The following SYNE1 variants were observed in gnomAD, a reference collection of about 807,000 sequenced individuals.
SYNE1 encodes spectrin repeat containing nuclear envelope protein 1.
A neutral mutation model predicts 1,111.0 loss-of-function variants in SYNE1; 616 were observed. That is an observed-to-expected ratio of 0.55 (90% CI 0.52 to 0.59). The LOEUF is 0.59. Ranked by LOEUF, SYNE1 falls within the 20% of genes least tolerant of loss-of-function variation. The pLI is 0.00. For missense variants in SYNE1, 10,006 were observed against 10,417.0 expected, an observed-to-expected ratio of 0.96 and a Z score of 1.72; for synonymous variants, 3,855 against 3,825.8, an observed-to-expected ratio of 1.01 and a Z score of -0.28.
At chr6:152,537,969 A>C (rs1307087856) in intron 4 of SYNE1, among the ~76,000 whole-genome samples, 1 of 152,192 alleles carries the variant, frequency 6.6e-6, no homozygotes, top group African/African-American at 2.4e-5. Flanking sequence ...ATCTGAAAAC[A>C]TTCCAAAGCA....
intron 104 of SYNE1, among the ~76,000 whole-genome samples, chr6:152,251,007 T>C (rs990693069): frequency 6.6e-6 from 1 of 152,202 alleles, no homozygotes; most frequent in Non-Finnish European, 1.5e-5. Flanking sequence ...TGGAGTGCGG[T>C]GGCGCGATCT....
intron 115 of SYNE1, among the ~76,000 whole-genome samples, chr6:152,230,138 T>C (rs868229105): frequency 6.6e-6 from 1 of 151,986 alleles, no homozygotes; most frequent in Non-Finnish European, 1.5e-5. Flanking sequence ...ATTCAAGCAA[T>C]CCTCCCACCT....
chr6:152,320,223 A>C (rs2095840351), intron 84 of SYNE1: 1 of 152,232 alleles, frequency 6.6e-6, no homozygotes, highest in South Asian at 2.1e-4. Flanking sequence ...ATGTCTAAGA[A>C]GAAAAGCCAA....
chr6:152,549,998 T>C (rs2099331883), intron 3 of SYNE1, among the ~76,000 whole-genome samples: 1 of 152,202 alleles, frequency 6.6e-6, no homozygotes. Flanking sequence ...TCAGCAATAT[T>C]GACATTTAGG....
intron 145 of SYNE1, chr6:152,125,486 C>A: frequency 1.7e-6 from 2 of 1,184,610 alleles, no homozygotes; most frequent in Non-Finnish European, 1.1e-6. Context: ...TTCTCATTTG[C>A]AATGATTCAA....
intron 126 of SYNE1, among the ~76,000 whole-genome samples, chr6:152,205,132 T>G (rs1201817703): frequency 6.6e-6 from 1 of 151,604 alleles, no homozygotes; most frequent in Non-Finnish European, 1.5e-5. Flanking sequence ...TGGGTATGTA[T>G]GCACACTTTA....
chr6:152,540,254 T>C (rs563144542), intron 3 of SYNE1, among the ~76,000 whole-genome samples: 1 of 152,332 alleles, frequency 6.6e-6, no homozygotes, highest in South Asian at 2.1e-4. Context: ...GTTAGCCCTA[T>C]GTTTACCTTC....
chr6:152,180,194 C>T lies in SYNE1; in HGVS notation c.23402G>A (p.Ser7801Asn). 2.5e-6 allele frequency: 4 copies of T among 1,614,120 alleles called. No individual in the cohort carries two copies. Among genetic ancestry groups the T allele is most frequent in the Non-Finnish European group, 2.5e-6 (3 of 1,180,010 alleles). Residue 7801 changes from serine to asparagine, a missense_variant, in exon 129 of 146, where the codon AGC becomes AAC. By Grantham distance (46) the Ser-to-Asn change is conservative. Around this residue, in one of 7 missense-constraint regions of SYNE1, gnomAD observed 2,182 missense variants for 2,287.8 expected, o/e 0.95. Transcript: ENST00000367255. ...ELCEWLTQME[S>N]KVSQNGDILI... ...AATGTCTCCATTCTGAGAAACTTTG[C>T]TTTCCATTTGAGTCAACCACTCACA...
intron 91 of SYNE1, 149 bp downstream of exon 91, chr6:152,308,340 A>G: frequency 1.8e-6 from 2 of 1,099,996 alleles, no homozygotes; most frequent in East Asian, 2.4e-5. Context: ...GGCACTCACA[A>G]TGCTTAGATA....
At position 152,381,327 on chromosome 6, in the gene SYNE1, A is replaced by G; in HGVS notation, c.8688T>C (p.Arg2896=). 1.2e-5 allele frequency: 19 copies of G among 1,613,936 alleles called. No individual in the cohort carries two copies. The highest frequency in any genetic ancestry group is 1.4e-5 in the Non-Finnish European group (17 of 1,180,036). The change falls in exon 56 of 146, where the codon CGT becomes CGC. Residue 2896 remains arginine, a synonymous_variant. Coordinates refer to ENST00000367255, the MANE Select transcript of SYNE1 (RefSeq NM_182961.4). ...GAGCCAGCGACTCCACTCTGCTGAG[A>G]CGGCTTGCACCAATCTCTCTGGAAT... The part of the protein sequence containing the change: ...LIDSREIGAS[R]LSRVESLAPE...
At chr6:152,151,780 T>G (rs1174508578) in intron 134 of SYNE1, 90 bp from the exon 135 acceptor site, 1 of 1,546,200 alleles carries the variant, frequency 6.5e-7, no homozygotes, top group African/African-American at 1.4e-5. Flanking sequence ...CAGTGTTCTG[T>G]AAAGTCATTT....
intron 114 of SYNE1, 107 bp from the exon 115 acceptor site, chr6:152,230,809 A>C: frequency 7.8e-7 from 1 of 1,289,710 alleles, no homozygotes; most frequent in African/African-American, 1.5e-5. Context: ...AGAATTCTTA[A>C]AATACAGTTC....
At chr6:152,190,692 A>G (rs2072007926) in intron 127 of SYNE1, among the ~76,000 whole-genome samples, 1 of 152,136 alleles carries the variant, frequency 6.6e-6, no homozygotes. Flanking sequence ...ACCATTAACC[A>G]TCCTCATCAC....
Position 152,326,488 on chromosome 6 carries a change from C to A in SYNE1, c.15101G>T (p.Ser5034Ile). 6.2e-7 allele frequency: 1 copy of A among 1,614,176 alleles called. No homozygotes were observed. The change falls in exon 79 of 146, where the codon AGC becomes ATC. Residue 5034 changes from serine (S) to isoleucine (I), a missense_variant. Around this residue, in one of 7 missense-constraint regions of SYNE1, gnomAD observed 4,955 missense variants for 5,017.2 expected, o/e 0.99. Coordinates refer to ENST00000367255, the MANE Select transcript of SYNE1 (RefSeq NM_182961.4). ...DVESAEENLK[S>I]HMEFFSTEDQ... ...CTCTGTACTGAAAAATTCCATGTGG[C>A]TTTTGAGATTTTCCTCTGCGCTCTC...
chr6:152,239,593 C>CT lies in SYNE1; in HGVS notation c.20006dup (p.Ala6670GlyfsTer27), dbSNP rs1385280819. On this transcript the variant is annotated frameshift_variant, in exon 108 of 146. Transcript: ENST00000367255. LOFTEE classifies it high-confidence loss of function. ...GAGCCCGTTTCAGTACAGCAGAAGC[C>CT]TGAGCCATCAGCTCTGTATGGAACT... 3 of 1,614,192 alleles carry CT rather than the reference C, an allele frequency of 1.9e-6. No homozygotes were observed. Among genetic ancestry groups the CT allele is most frequent in the Non-Finnish European group, 2.5e-6 (3 of 1,180,034 alleles).
At chr6:152,129,282 C>A (rs1406400116) in intron 145 of SYNE1, 1 of 152,212 alleles carries the variant, frequency 6.6e-6, no homozygotes, top group African/African-American at 2.4e-5. Context: ...TAAGCGCTTT[C>A]CCCCTTCTCG....
intron 8 of SYNE1, 75 bp downstream of exon 8, chr6:152,510,118 C>T: frequency 7.1e-7 from 1 of 1,412,674 alleles, no homozygotes; most frequent in Non-Finnish European, 1.0e-6. Flanking sequence ...ATTTCGCAAT[C>T]ATTAGAAGTT....
In SYNE1 at chr6:152,391,512, C is replaced by A. The variant is rs1169589593; in HGVS notation, c.7769G>T (p.Gly2590Val). ...RGQLLSEEGH[G>V]AGQEGRLCSQ... ...ACACAGGCGGCCCTCCTGCCCAGCACCGTGGCCTTCTTCACTCAGAAGCTG... is the reference window on the plus strand; with the variant it reads ...ACACAGGCGGCCCTCCTGCCCAGCAACGTGGCCTTCTTCACTCAGAAGCTG... Residue 2590 changes from glycine (G) to valine (V), a missense_variant, in exon 52 of 146, where the codon GGT becomes GTT. Physicochemically the swap from Gly to Val is moderately radical, Grantham distance 109. This residue lies in a region of SYNE1 where 4,955 missense variants were observed against 5,017.2 expected (regional missense o/e 0.99). Coordinates refer to ENST00000367255, the MANE Select transcript of SYNE1 (RefSeq NM_182961.4). 6.2e-7 allele frequency: 1 copy of A among 1,612,688 alleles called. No homozygotes were observed. Among genetic ancestry groups the A allele is most frequent in the South Asian group, 1.1e-5 (1 of 91,024 alleles).
intron 128 of SYNE1, among the ~76,000 whole-genome samples, chr6:152,183,078 C>T (rs2068589957): frequency 6.6e-6 from 1 of 152,130 alleles, no homozygotes; most frequent in South Asian, 2.1e-4. Context: ...TTACACCATA[C>T]CCCAAATAGC....
Sources: allele counts gnomAD v4.1 joint callset (sites outside exome capture counted in the v4.1 genomes callset), GRCh38; gene constraint gnomAD v4.1.1; regional missense constraint gnomAD v4.1.1; transcripts MANE v1.5; gene names NCBI Gene and HGNC (gene_info 2026-07-23, HGNC 2026-07-21).